MXI1: variants seen among roughly 807,000 people sequenced by gnomAD.
MXI1 encodes max-interacting protein 1.
Under a neutral mutation model 36.9 loss-of-function variants are expected in MXI1, and 18 were observed. That is an observed-to-expected ratio of 0.49 (90% CI 0.34 to 0.72). The LOEUF is 0.72. MXI1 is among the 30% of genes least tolerant of loss of function. The probability of loss-of-function intolerance (pLI) is 0.01; values close to 1 mark genes in which losing one functional copy is unlikely to be tolerated. For synonymous variants in MXI1, 160 were observed against 146.7 expected (o/e 1.09, Z -0.65); for missense variants, 304 against 379.1 (o/e 0.80, Z 1.64).
chr10:110,211,090 T>C (rs1216742787), intron 1 of MXI1, among the ~76,000 whole-genome samples: 1 of 138,284 alleles, frequency 7.2e-6, no homozygotes, highest in Non-Finnish European at 1.5e-5. Context: ...TTTTTTTTTT[T>C]CGGTCACTAC....
intron 1 of MXI1, among the ~76,000 whole-genome samples, chr10:110,219,916 T>C (rs1854756654): frequency 6.6e-6 from 1 of 152,202 alleles, no homozygotes; most frequent in Non-Finnish European, 1.5e-5. Flanking sequence ...CTTGTACAGA[T>C]TAGTTTGGAA....
At chr10:110,231,183 A>G (rs1348505748) in intron 2 of MXI1, among the ~76,000 whole-genome samples, 1 of 152,170 alleles carries the variant, frequency 6.6e-6, no homozygotes, top group African/African-American at 2.4e-5. Flanking sequence ...CCTGGCCAAC[A>G]TGATGAAACC....
At chr10:110,209,451 T>C (rs1854452177) in intron 1 of MXI1, among the ~76,000 whole-genome samples, 1 of 152,204 alleles carries the variant, frequency 6.6e-6, no homozygotes, top group South Asian at 2.1e-4. Flanking sequence ...TGCTGACTGA[T>C]ACCCCAGGTC....
chr10:110,270,875 A>ATCAG (rs1856830928), intron 3 of MXI1, among the ~76,000 whole-genome samples: 1 of 152,162 alleles, frequency 6.6e-6, no homozygotes, highest in African/African-American at 2.4e-5. Context: ...AGATTGCCTG[A>ATCAG]GCTCAGGAGT....
intron 2 of MXI1, among the ~76,000 whole-genome samples, chr10:110,240,618 C>T (rs1855638000): frequency 6.6e-6 from 1 of 151,996 alleles, no homozygotes; most frequent in Non-Finnish European, 1.5e-5. Context: ...CCACTAATCC[C>T]AGTATATTTT....
intron 1 of MXI1, among the ~76,000 whole-genome samples, chr10:110,208,884 G>A (rs1176627471): frequency 6.6e-6 from 1 of 152,214 alleles, no homozygotes; most frequent in East Asian, 1.9e-4. Flanking sequence ...CAATAGTTGG[G>A]GAAGAAGGTG....
intron 1 of MXI1, among the ~76,000 whole-genome samples, chr10:110,215,287 A>C (rs185314625): frequency 1.3e-5 from 2 of 152,000 alleles, no homozygotes; most frequent in East Asian, 3.9e-4. Context: ...TGATCTGCCC[A>C]CCTTGACCTC....
chr10:110,278,473 A>T (rs903874263), intron 3 of MXI1, among the ~76,000 whole-genome samples: 3 of 152,076 alleles, frequency 2.0e-5, no homozygotes, highest in Non-Finnish European at 4.4e-5. Flanking sequence ...GAAGCAGGGG[A>T]TTATTTTATG....
At chr10:110,216,665 G>GTTGTTT in intron 1 of MXI1, among the ~76,000 whole-genome samples, 1 of 79,062 alleles carries the variant, frequency 1.3e-5, no homozygotes, top group South Asian at 5.0e-4. Context: ...TGTGTTTAAT[G>GTTGTTT]TTTTTTTTTT....
chr10:110,222,648 C>T (rs1355213757), intron 1 of MXI1, among the ~76,000 whole-genome samples: 2 of 152,140 alleles, frequency 1.3e-5, no homozygotes, highest in African/African-American at 4.8e-5. Flanking sequence ...AGGGAGAGGA[C>T]AGAACAGAGA....
rs2134489771 is a variant in MXI1 at position 110,286,913 on chromosome 10, C to CAA, written c.*1929_*1930dup. The stretch of plus-strand genomic sequence containing the variant: ...GCTAGGGACTTAATGAAAAACAGGA[C>CAA]AAAACAATTCCTTTTTGTGGCCCAG... On this transcript the variant is annotated 3_prime_UTR_variant, in exon 6 of 6. Coordinates refer to ENST00000332674, the MANE Select transcript of MXI1 (RefSeq NM_130439.3). The CAA allele has an allele frequency of 6.6e-6, 1 of 152,270 alleles. No individual in the cohort carries two copies. The highest frequency in any genetic ancestry group is 2.1e-4 in the South Asian group (1 of 4,820). The allele number at this position is 152,270 out of a possible 1,614,324, so 9.4% of individuals were successfully genotyped here. A position where few individuals can be genotyped will look rare whatever the true frequency, so the allele number is the denominator to read the frequency against.
At chr10:110,272,430 T>G (rs996687655) in intron 3 of MXI1, among the ~76,000 whole-genome samples, 1 of 152,224 alleles carries the variant, frequency 6.6e-6, no homozygotes, top group African/African-American at 2.4e-5. Context: ...TAAAATATTT[T>G]TCTTCCAAAT....
chr10:110,214,325 A>C (rs773947876), intron 1 of MXI1, among the ~76,000 whole-genome samples: 1 of 152,222 alleles, frequency 6.6e-6, no homozygotes, highest in Non-Finnish European at 1.5e-5. Context: ...CAGAAGAGCC[A>C]ACCAGAGAGG....
intron 1 of MXI1, chr10:110,210,264 A>C (rs971968717): frequency 2.1e-4 from 205 of 984,660 alleles, no homozygotes; most frequent in Non-Finnish European, 2.3e-4. Flanking sequence ...CAAATCTGCC[A>C]GCCCCCGAGA....
intron 1 of MXI1, chr10:110,227,366 C>T (rs1855085125): frequency 3.1e-6 from 3 of 977,666 alleles, no homozygotes; most frequent in African/African-American, 3.7e-5. Context: ...TGAGTGGAGG[C>T]GTGTGTGAGA....
intron 1 of MXI1, among the ~76,000 whole-genome samples, chr10:110,221,846 T>G (rs1854817049): frequency 6.6e-6 from 1 of 151,968 alleles, no homozygotes; most frequent in South Asian, 2.1e-4. Context: ...TCTCCCCAGC[T>G]CGGGCAGCAC....
chr10:110,210,716 A>G (rs1010502593), intron 1 of MXI1, among the ~76,000 whole-genome samples: 3 of 152,062 alleles, frequency 2.0e-5, no homozygotes, highest in Admixed American at 2.0e-4. Flanking sequence ...GCCTCGTTTT[A>G]TGGGGGGCGC....
At chr10:110,257,110 C>T (rs1474711407) in intron 3 of MXI1, 1 of 152,122 alleles carries the variant, frequency 6.6e-6, no homozygotes, top group African/African-American at 2.4e-5. Flanking sequence ...TATACGTTCT[C>T]TGGGTTTCTT....
chr10:110,225,761 C>T (rs986767619), intron 1 of MXI1, among the ~76,000 whole-genome samples: 1 of 152,180 alleles, frequency 6.6e-6, no homozygotes, highest in Non-Finnish European at 1.5e-5. Flanking sequence ...GAAGCAAAGT[C>T]CCGCAACTTC....
Sources: gnomAD v4.1 joint callset for allele counts (sites outside exome capture counted in the v4.1 genomes callset) on GRCh38, gnomAD v4.1.1 for gene constraint, MANE v1.5 for transcripts, NCBI Gene and HGNC (gene_info 2026-07-23, HGNC 2026-07-21) for gene names.